The following PCDHGA4 variants were observed in gnomAD, a reference collection of about 807,000 sequenced individuals.
PCDHGA4 encodes the protein protocadherin gamma subfamily A, 4, also known as protocadherin gamma-A4.
PCDHGA4 carries 38 observed loss-of-function variants against 54.6 expected under a neutral mutation model. The ratio of observed to expected loss-of-function variants is 0.70; its 90% CI spans 0.54 to 0.91. PCDHGA4 has a LOEUF of 0.91. Among genes scored for constraint, PCDHGA4 ranks in the 40% least tolerant of loss-of-function variants. PCDHGA4 has a pLI of 0.00. For synonymous variants in PCDHGA4, 511 were observed against 512.9 expected (o/e 1.00, Z 0.05); for missense variants, 1,298 against 1,220.9 (o/e 1.06, Z -0.94).
intron 1 of PCDHGA4, chr5:141,361,617 C>A (rs762792613): frequency 4.3e-6 from 7 of 1,613,866 alleles, no homozygotes; most frequent in Admixed American, 1.7e-5. Context: ...TCGTAGCGAG[C>A]GACCTGAAGC....
chr5:141,486,137 G>A lies in PCDHGA4; in HGVS notation c.2515-8670G>A, dbSNP rs1187526031. 1 of 1,614,074 alleles carries A rather than the reference G, an allele frequency of 6.2e-7. No individual in the cohort carries two copies. On this transcript the variant is annotated intron_variant, in intron 1 of 3. Coordinates refer to ENST00000571252, the MANE Select transcript of PCDHGA4 (RefSeq NM_018917.4). The surrounding 1 kb of genome is among the most constrained non-coding windows in gnomAD (Gnocchi z 5.0). ...GAATTACTATGAATTTGATGTGCGGGCTCGCGATGGGGGTTCTCCAGCCAT... is the reference window on the plus strand; with the variant it reads ...GAATTACTATGAATTTGATGTGCGGACTCGCGATGGGGGTTCTCCAGCCAT...
chr5:141,490,412 C>T lies in PCDHGA4; in HGVS notation c.2515-4395C>T, dbSNP rs2233605. 10 of 1,614,062 alleles carry T rather than the reference C, an allele frequency of 6.2e-6. No homozygotes were observed. The highest frequency in any genetic ancestry group is 4.0e-5 in the African/African-American group (3 of 74,910). Reference sequence around the variant, plus strand: ...GGTGAAGTGAGCCTTGATATCTCTCCGGACCTGCCATTTCAGATTAAGCCT... The same window carrying T: ...GGTGAAGTGAGCCTTGATATCTCTCTGGACCTGCCATTTCAGATTAAGCCT... On this transcript the variant is annotated intron_variant, in intron 1 of 3. Transcript: ENST00000571252. This position sits in a 1 kb window ranked among gnomAD's most constrained non-coding sequence, Gnocchi z 5.4.
chr5:141,414,181 A>G, intron 1 of PCDHGA4: 2 of 1,609,294 alleles, frequency 1.2e-6, no homozygotes, highest in South Asian at 1.1e-5. Context: ...TGCAACTGCA[A>G]AAGTGTTGAT....
intron 2 of PCDHGA4, among the ~76,000 whole-genome samples, chr5:141,497,158 T>A (rs2099774560): frequency 6.6e-6 from 1 of 151,860 alleles, no homozygotes; most frequent in African/African-American, 2.4e-5. Flanking sequence ...AAAAATAATC[T>A]AGCCACAAAT....
intron 1 of PCDHGA4, chr5:141,404,764 C>G: frequency 6.2e-7 from 1 of 1,613,920 alleles, no homozygotes; most frequent in Non-Finnish European, 8.5e-7. Context: ...ATGCTTGGCT[C>G]TCCTACCGCC....
intron 1 of PCDHGA4, among the ~76,000 whole-genome samples, chr5:141,425,105 G>C (rs1227234896): frequency 2.0e-5 from 3 of 152,236 alleles, no homozygotes; most frequent in African/African-American, 7.2e-5. Flanking sequence ...TCCAACAGAT[G>C]CCTACATTTT....
intron 1 of PCDHGA4, chr5:141,374,176 C>A: frequency 6.2e-7 from 1 of 1,613,572 alleles, no homozygotes. Context: ...CAGCGCAGAT[C>A]CGCTACTCTA....
intron 1 of PCDHGA4, among the ~76,000 whole-genome samples, chr5:141,458,412 G>A (rs2098945236): frequency 6.6e-6 from 1 of 152,034 alleles, no homozygotes; most frequent in Non-Finnish European, 1.5e-5. Context: ...ACGGAGCGGG[G>A]GTTCCAAAGC....
intron 1 of PCDHGA4, chr5:141,400,754 C>G: frequency 1.7e-6 from 1 of 589,004 alleles, no homozygotes. Context: ...TTAGCTTCCT[C>G]TCTAGCAAAA....
At chr5:141,363,387 G>A (rs1302149411) in intron 1 of PCDHGA4, among the ~76,000 whole-genome samples, 2 of 151,916 alleles carry the variant, frequency 1.3e-5, no homozygotes, top group African/African-American at 4.8e-5. Flanking sequence ...TTCTATTTCT[G>A]TTGTCATATA....
Position 141,489,092 on chromosome 5 carries a change from A to AATT in PCDHGA4, c.2515-5714_2515-5713insTTA. 2.9e-6 allele frequency: 1 copy of AATT among 348,332 alleles called. No individual in the cohort carries two copies. Among genetic ancestry groups the AATT allele is most frequent in the Non-Finnish European group, 4.7e-6 (1 of 214,538 alleles). 21.6% of individuals were successfully genotyped at this position (348,332 alleles called of 1,614,324 possible). A position where few individuals can be genotyped will look rare whatever the true frequency, so the allele number is the denominator to read the frequency against. On this transcript the variant is annotated intron_variant, in intron 1 of 3. Transcript: ENST00000571252. This position sits in a 1 kb window ranked among gnomAD's most constrained non-coding sequence, Gnocchi z 4.5. Reference sequence around the variant, plus strand: ...TGCCCACCCCCGCCACTCGGTGACTAAGAACTGCTGCAAGCAGGCAAACCT... The same window carrying AATT: ...TGCCCACCCCCGCCACTCGGTGACTAATTAGAACTGCTGCAAGCAGGCAAACCT...
chr5:141,361,004 A>G, intron 1 of PCDHGA4: 1 of 1,613,282 alleles, frequency 6.2e-7, no homozygotes, highest in African/African-American at 1.3e-5. Context: ...CAAGTGAAAC[A>G]CTTTTTCAAC....
At chr5:141,441,848 T>C (rs1034278597) in intron 1 of PCDHGA4, 2 of 356,906 alleles carry the variant, frequency 5.6e-6, no homozygotes, top group South Asian at 2.4e-5. Context: ...CTCTTGGATA[T>C]GGTGCTGCAC....
chr5:141,462,125 A>G (rs918645911), intron 1 of PCDHGA4, among the ~76,000 whole-genome samples: 24 of 151,688 alleles, frequency 1.6e-4, no homozygotes, highest in African/African-American at 5.6e-4. Flanking sequence ...ACCCAGTCCA[A>G]TTTTTTGTAT....
rs757691247 is a variant in PCDHGA4 at position 141,399,920 on chromosome 5, C to T, written c.2514+42299C>T. On this transcript the variant is annotated intron_variant, in intron 1 of 3. Coordinates refer to ENST00000571252, the MANE Select transcript of PCDHGA4 (RefSeq NM_018917.4). ...GTGGACGCAGACTCAGGACACAACG[C>T]CTGGCTGTCCTACCACGTGCTGCAG... is the stretch of plus-strand genomic sequence containing the variant. 1.2e-5 allele frequency: 20 copies of T among 1,612,216 alleles called. No homozygotes were observed. The South Asian group carries it at 2.1e-4, about 17-fold the overall frequency.
intron 1 of PCDHGA4, among the ~76,000 whole-genome samples, chr5:141,467,823 T>A (rs1225960296): frequency 1.3e-5 from 2 of 152,012 alleles, no homozygotes; most frequent in African/African-American, 2.4e-5. Flanking sequence ...CACACCAGGC[T>A]GATTTTTATA....
intron 1 of PCDHGA4, among the ~76,000 whole-genome samples, chr5:141,400,891 A>G (rs1266926061): frequency 6.6e-6 from 1 of 152,222 alleles, no homozygotes; most frequent in African/African-American, 2.4e-5. Context: ...GTATGTAATC[A>G]TTTAATTCAT....
rs183338714 is a variant in PCDHGA4, at chr5:141,373,869, G to A, written c.2514+16248G>A. On this transcript the variant is annotated intron_variant, in intron 1 of 3. Coordinates refer to ENST00000571252, the MANE Select transcript of PCDHGA4 (RefSeq NM_018917.4). ...TAAGCGTCGCTGTTGACCAACCTGG[G>A]CAAGAAAATCAACGGAAACTCAAGT... The A allele has an allele frequency of 4.3e-3, 2,030 of 471,178 alleles. 12 individuals carry two copies. Among genetic ancestry groups the A allele is most frequent in the Admixed American group, 0.01 (264 of 25,860 alleles). The allele number at this position is 471,178 out of a possible 1,614,324, so 29.2% of individuals were successfully genotyped here. A position where few individuals can be genotyped will look rare whatever the true frequency, so the allele number is the denominator to read the frequency against.
At chr5:141,456,404 G>A (rs935040352) in intron 1 of PCDHGA4, among the ~76,000 whole-genome samples, 4 of 152,104 alleles carry the variant, frequency 2.6e-5, no homozygotes, top group Non-Finnish European at 4.4e-5. Flanking sequence ...TTGCTTCTAG[G>A]CGAGAAGAAA....
Sources: gnomAD v4.1 joint callset for allele counts (sites outside exome capture counted in the v4.1 genomes callset) on GRCh38, gnomAD v4.1.1 for gene constraint, Gnocchi (gnomAD v3.1) non-coding constraint, MANE v1.5 for transcripts, NCBI Gene and HGNC (gene_info 2026-07-23, HGNC 2026-07-21) for gene names.